The following ELMO1 variants were observed in gnomAD, a reference collection of about 807,000 sequenced individuals.
The protein encoded by ELMO1 is engulfment and cell motility 1.
ELMO1 carries 26 observed loss-of-function variants against 98.9 expected under a neutral mutation model. The ratio of observed to expected loss-of-function variants is 0.26; its 90% CI spans 0.19 to 0.36. ELMO1 has a LOEUF of 0.36. ELMO1 is among the 10% of genes least tolerant of loss of function. The pLI is 1.00. For synonymous variants in ELMO1, 346 were observed against 346.0 expected (o/e 1.00, Z 0.00); for missense variants, 627 against 935.2 (o/e 0.67, Z 4.30).
intron 1 of ELMO1, among the ~76,000 whole-genome samples, chr7:37,350,526 A>G (rs896180135): frequency 1.3e-5 from 2 of 152,238 alleles, no homozygotes; most frequent in Non-Finnish European, 2.9e-5. Flanking sequence ...TCTTCTTCAC[A>G]GCCCTGAGTG....
At chr7:37,310,341 T>C (rs1272416227) in intron 4 of ELMO1, among the ~76,000 whole-genome samples, 1 of 152,240 alleles carries the variant, frequency 6.6e-6, no homozygotes, top group Non-Finnish European at 1.5e-5. Flanking sequence ...TCCTCATGGC[T>C]TTCCTCTACT....
intron 2 of ELMO1, among the ~76,000 whole-genome samples, chr7:37,330,786 C>T (rs2717944): frequency 0.94 from 143,811 of 152,218 alleles, 68,506 homozygotes; most frequent in East Asian, 1. Flanking sequence ...AATCTAGACC[C>T]TTCACCTTTT....
At chr7:36,960,292 C>T (rs777503951) in intron 16 of ELMO1, among the ~76,000 whole-genome samples, 14 of 152,198 alleles carry the variant, frequency 9.2e-5, no homozygotes, top group African/African-American at 1.4e-4. Context: ...CTTCAGAGGG[C>T]GGAGAGGAAA....
At chr7:37,063,728 G>A (rs539687610) in intron 15 of ELMO1, among the ~76,000 whole-genome samples, 3 of 152,080 alleles carry the variant, frequency 2.0e-5, no homozygotes, top group South Asian at 2.1e-4. Flanking sequence ...ATCTCCCTCC[G>A]CAGTCACCCT....
At position 37,422,129 on chromosome 7, in the gene ELMO1, A is replaced by C. The variant is rs73693575; in HGVS notation, c.-74+26546T>G. ...GGCTAACAAGATTAAAGCCTATCCC[A>C]GGATAAGAAAATTAGCTTTCCTCTA... On this transcript the variant is annotated intron_variant, in intron 1 of 21. Coordinates refer to ENST00000310758, the MANE Select transcript of ELMO1 (RefSeq NM_014800.11). Among the ~76,000 whole-genome samples, 1,030 of 152,350 alleles carry C rather than the reference A, an allele frequency of 6.8e-3. 8 individuals carry two copies. The highest frequency in any genetic ancestry group is 0.023 in the African/African-American group (975 of 41,586).
chr7:37,415,457 C>A (rs1562676941), intron 1 of ELMO1, among the ~76,000 whole-genome samples: 1 of 152,162 alleles, frequency 6.6e-6, no homozygotes, highest in Non-Finnish European at 1.5e-5. Context: ...CTTGGCTCTA[C>A]CACTTTTAAA....
chr7:37,145,605 T>C (rs1180651199), intron 13 of ELMO1, among the ~76,000 whole-genome samples: 1 of 152,242 alleles, frequency 6.6e-6, no homozygotes, highest in East Asian at 1.9e-4. Flanking sequence ...CTGAATGATT[T>C]TTAAATGATA....
At chr7:37,051,436 T>C (rs1584568120) in intron 15 of ELMO1, among the ~76,000 whole-genome samples, 1 of 152,226 alleles carries the variant, frequency 6.6e-6, no homozygotes. Context: ...GCTTAAATTA[T>C]GAGACAGTAT....
At chr7:36,896,672 TTTTG>T (rs1806025613) in intron 16 of ELMO1, among the ~76,000 whole-genome samples, 4 of 40,860 alleles carry the variant, frequency 9.8e-5, no homozygotes, top group Admixed American at 2.9e-4. Context: ...TCTGCTGGTT[TTTTG>T]TTTGTTTTTT....
intron 2 of ELMO1, among the ~76,000 whole-genome samples, chr7:37,331,357 G>GTTTTTTTTT (rs1371395526): frequency 2.1e-4 from 16 of 77,192 alleles, no homozygotes; most frequent in Non-Finnish European, 3.4e-4. Flanking sequence ...TTTTTTTTTG[G>GTTTTTTTTT]AATTTTAGTA....
intron 7 of ELMO1, among the ~76,000 whole-genome samples, chr7:37,236,622 A>G (rs1159849113): frequency 6.6e-6 from 1 of 152,206 alleles, no homozygotes; most frequent in Non-Finnish European, 1.5e-5. Context: ...TATTACACAC[A>G]TATTCTGTAT....
Position 37,259,054 on chromosome 7 carries a change from T to A in ELMO1, c.413+127A>T, listed in dbSNP as rs1242882786. 1.5e-5 allele frequency: 17 copies of A among 1,138,356 alleles called. No individual in the cohort carries two copies. The Admixed American group carries it at 5.9e-4, about 39-fold the overall frequency. 70.5% of individuals were successfully genotyped at this position (1,138,356 alleles called of 1,614,324 possible). ...TGCCTCGCCACTATCTTAAAAACTA[T>A]TTTTTTCCTGAGTCTAACCAAGGCT... On this transcript the variant is annotated intron_variant, in intron 6 of 21. Coordinates refer to ENST00000310758, the MANE Select transcript of ELMO1 (RefSeq NM_014800.11).
intron 21 of ELMO1, among the ~76,000 whole-genome samples, chr7:36,856,364 A>G (rs568992538): frequency 1.0e-3 from 152 of 152,274 alleles, no homozygotes; most frequent in Non-Finnish European, 1.9e-3. Context: ...GGCAGCCAAA[A>G]TGGTTAAAAT....
At chr7:37,169,072 C>G (rs183813791) in intron 13 of ELMO1, among the ~76,000 whole-genome samples, 1 of 152,080 alleles carries the variant, frequency 6.6e-6, no homozygotes, top group East Asian at 1.9e-4. Context: ...GCCTCGCTGC[C>G]GACTTGCAGT....
At chr7:37,163,309 C>A (rs772265238) in intron 13 of ELMO1, among the ~76,000 whole-genome samples, 4 of 149,954 alleles carry the variant, frequency 2.7e-5, no homozygotes, top group Non-Finnish European at 4.4e-5. Context: ...TATTAAATAT[C>A]AGGTATTATA....
At chr7:37,387,702 T>C (rs966344441) in intron 1 of ELMO1, among the ~76,000 whole-genome samples, 6 of 152,250 alleles carry the variant, frequency 3.9e-5, no homozygotes, top group South Asian at 4.1e-4. Flanking sequence ...GGAAACCAGA[T>C]GTCTGTTCCA....
At chr7:37,328,720 T>C (rs1381145145) in intron 2 of ELMO1, among the ~76,000 whole-genome samples, 3 of 152,182 alleles carry the variant, frequency 2.0e-5, no homozygotes. Context: ...AAATTAACAC[T>C]GGAACGTTTG....
chr7:36,948,434 C>G (rs1787688349), intron 16 of ELMO1, among the ~76,000 whole-genome samples: 1 of 152,158 alleles, frequency 6.6e-6, no homozygotes. Context: ...TCCTTTTATC[C>G]TTACAAAGGT....
chr7:37,105,784 G>C (rs1197002662), intron 14 of ELMO1, among the ~76,000 whole-genome samples: 2 of 152,170 alleles, frequency 1.3e-5, no homozygotes, highest in African/African-American at 4.8e-5. Context: ...GGTTTGTTTT[G>C]TTTTTCCTGT....
Sources: allele counts gnomAD v4.1 joint callset (sites outside exome capture counted in the v4.1 genomes callset), GRCh38; gene constraint gnomAD v4.1.1; transcripts MANE v1.5; gene names NCBI Gene and HGNC (gene_info 2026-07-23, HGNC 2026-07-21).